Variants in AKAP8 observed in about 807,000 individuals in gnomAD.
AKAP8 encodes A-kinase anchoring protein 8.
AKAP8 carries 24 observed loss-of-function variants against 67.5 expected under a neutral mutation model. That is an observed-to-expected ratio of 0.36 (90% CI 0.26 to 0.50). AKAP8 has a LOEUF of 0.50. Among genes scored for constraint, AKAP8 ranks in the 20% least tolerant of loss-of-function variants. The pLI is 0.97. For missense variants in AKAP8, 971 were observed against 955.9 expected (o/e 1.02, Z -0.21); for synonymous variants, 400 against 371.1 (o/e 1.08, Z -0.90).
At chr19:15,361,349 C>CTTT (rs34004834) in intron 11 of AKAP8, 54 of 118,892 alleles carry the variant, frequency 4.5e-4, no homozygotes, top group Middle Eastern at 3.6e-3. Flanking sequence ...CTTCATGCCA[C>CTTT]TTTTTTTTTT....
chr19:15,370,821 G>A (rs566924783), intron 7 of AKAP8, among the ~76,000 whole-genome samples: 44 of 152,006 alleles, frequency 2.9e-4, no homozygotes, highest in African/African-American at 9.9e-4. Context: ...CAGTAGAGAC[G>A]GGGTTTCACC....
chr19:15,370,282 G>C, intron 7 of AKAP8, 103 bp from the exon 8 acceptor site: 2 of 1,346,670 alleles, frequency 1.5e-6, no homozygotes, highest in Non-Finnish European at 2.1e-6. Flanking sequence ...TCTCACCCAA[G>C]ACCTAGGTTG....
Position 15,373,792 on chromosome 19 carries a change from C to T in AKAP8, c.365G>A (p.Arg122Gln), listed in dbSNP as rs537526016. The change falls in exon 4 of 14, where the codon CGG (arginine) becomes CAG (glutamine). Residue 122 changes from arginine (R) to glutamine (Q), a missense_variant. Physicochemically the swap from Arg to Gln is conservative, Grantham distance 43 (BLOSUM62 1). This residue lies in a region of AKAP8 where 763 missense variants were observed against 745.4 expected (regional missense o/e 1.02). Coordinates refer to ENST00000269701, the MANE Select transcript of AKAP8 (RefSeq NM_005858.4). Reference sequence around the variant, plus strand: ...GGCTTGGGTCCATAATCACCTCTCCCGGTCCTGTATGCCCTCCCCACCGCC... The same window carrying T: ...GGCTTGGGTCCATAATCACCTCTCCTGGTCCTGTATGCCCTCCCCACCGCC... ...SGGGGEGIQD[R>Q]ESSFRFQPFE... is the part of the protein sequence containing the mutation. 3.1e-6 allele frequency: 5 copies of T among 1,608,046 alleles called. No homozygotes were observed. Among genetic ancestry groups the T allele is most frequent in the South Asian group, 1.1e-5 (1 of 90,854 alleles).
intron 9 of AKAP8, among the ~76,000 whole-genome samples, chr19:15,363,567 C>G (rs549750575): frequency 6.6e-6 from 1 of 150,642 alleles, no homozygotes; most frequent in East Asian, 2.0e-4. Flanking sequence ...CCAGCCGCCC[C>G]GTCCAGGAGG....
rs1422129064 is a variant in AKAP8, at chr19:15,369,860, C to T, written c.1072+286G>A. ...CCTCTTCTCTCATGTTTCTCCTTCC[C>T]TACAAACTTCGACTGTGGTGGACAC... On this transcript the variant is annotated intron_variant, in intron 8 of 13. Coordinates refer to ENST00000269701, the MANE Select transcript of AKAP8 (RefSeq NM_005858.4). This position sits in a 1 kb window ranked among gnomAD's most constrained non-coding sequence, Gnocchi z 4.6. Among the ~76,000 whole-genome samples, 1 of 152,226 alleles carries T rather than the reference C, an allele frequency of 6.6e-6. No individual in the cohort carries two copies. The highest frequency in any genetic ancestry group is 1.9e-4 in the East Asian group (1 of 5,198).
intron 11 of AKAP8, chr19:15,361,324 G>T: frequency 4.5e-6 from 1 of 223,262 alleles, no homozygotes. Context: ...CACCTTCTCA[G>T]CCAACTTGGG....
chr19:15,361,343 A>G (rs1966962294), intron 11 of AKAP8: 1 of 209,456 alleles, frequency 4.8e-6, no homozygotes, highest in South Asian at 7.0e-5. Flanking sequence ...GGCTGGCTTC[A>G]TGCCACTTTT....
At chr19:15,362,717 C>T (rs1192132535) in intron 9 of AKAP8, among the ~76,000 whole-genome samples, 1 of 151,994 alleles carries the variant, frequency 6.6e-6, no homozygotes, top group Admixed American at 6.6e-5. Context: ...ACAACCTCCA[C>T]CTCCCAGCCG....
rs1599566608 is a variant in AKAP8, at chr19:15,369,313, T to C, written c.1072+833A>G. On this transcript the variant is annotated intron_variant, in intron 8 of 13. Coordinates refer to ENST00000269701, the MANE Select transcript of AKAP8 (RefSeq NM_005858.4). The surrounding 1 kb of genome is among the most constrained non-coding windows in gnomAD (Gnocchi z 4.6). ...GTGCTATGGACAGGACTGCTGCGGGTCGCGGGGGGGAGGACCGCAGAGGGC... is the reference window on the plus strand; with the variant it reads ...GTGCTATGGACAGGACTGCTGCGGGCCGCGGGGGGGAGGACCGCAGAGGGC... The C allele has an allele frequency of 1.0e-6, 1 of 970,838 alleles. No homozygotes were observed. Among genetic ancestry groups the C allele is most frequent in the Non-Finnish European group, 1.2e-6 (1 of 816,832 alleles). The allele number at this position is 970,838 out of a possible 1,614,324, so 60.1% of individuals were successfully genotyped here. A position where few individuals can be genotyped will look rare whatever the true frequency, so the allele number is the denominator to read the frequency against.
intron 9 of AKAP8, among the ~76,000 whole-genome samples, chr19:15,367,491 G>T (rs766534594): frequency 1.2e-4 from 19 of 152,148 alleles, no homozygotes; most frequent in Non-Finnish European, 2.6e-4. Flanking sequence ...TTATGCTATT[G>T]CACTCCAGCC....
chr19:15,362,018 A>C, intron 10 of AKAP8, 92 bp downstream of exon 10: 1 of 1,542,130 alleles, frequency 6.5e-7, no homozygotes, highest in South Asian at 1.2e-5. Flanking sequence ...ACCTTGGCCA[A>C]GTATAGCCTC....
rs199727223 is a variant in AKAP8, at chr19:15,372,185, A to G, written c.991+33T>C. On this transcript the variant is annotated intron_variant, in intron 6 of 13. Coordinates refer to ENST00000269701, the MANE Select transcript of AKAP8 (RefSeq NM_005858.4). ...CCAGCAGGCAGCCGACCCATCCTAC[A>G]TCTGTCTGGCCCACCTGGCCCCCAG... 1.9e-5 allele frequency: 30 copies of G among 1,612,938 alleles called. No homozygotes were observed. In the East Asian group the frequency reaches 6.2e-4, roughly 34 times the overall value.
At chr19:15,372,162 A>G in intron 6 of AKAP8, 56 bp downstream of exon 6, 1 of 1,609,648 alleles carries the variant, frequency 6.2e-7, no homozygotes, top group Non-Finnish European at 8.5e-7. Context: ...CAGAGCCCCC[A>G]GCAGGCAGCC....
At chr19:15,368,439 C>G in intron 8 of AKAP8, 117 bp from the exon 9 acceptor site, 2 of 1,574,880 alleles carry the variant, frequency 1.3e-6, no homozygotes, top group Non-Finnish European at 1.7e-6. Context: ...CCACTGCCTG[C>G]ACCACGCGGC....
Position 15,353,915 on chromosome 19 carries a change from CAT to C in AKAP8, c.*998_*999del, listed in dbSNP as rs1056871516. 5.5e-5 allele frequency: 6 copies of C among 109,112 alleles called. No individual in the cohort carries two copies. Among genetic ancestry groups the C allele is most frequent in the Admixed American group, 1.1e-4 (1 of 8,852 alleles). 6.8% of individuals were successfully genotyped at this position (109,112 alleles called of 1,614,324 possible). ...TAATAGTTATTTCTCTAAAATGAAA[CAT>C]ATATTTCATTTTATATATATATATA... On this transcript the variant is annotated 3_prime_UTR_variant, in exon 14 of 14. Transcript: ENST00000269701.
chr19:15,355,562 T>A (rs1420469505), intron 13 of AKAP8, among the ~76,000 whole-genome samples, 192 bp from the exon 14 acceptor site: 1 of 24,114 alleles, frequency 4.1e-5, no homozygotes, highest in Non-Finnish European at 8.9e-5. Context: ...TATTCTGCAA[T>A]TTTTTTTTTT....
At position 15,369,323 on chromosome 19, in the gene AKAP8, G is replaced by A; in HGVS notation, c.1072+823C>T. The A allele has an allele frequency of 1.1e-6, 1 of 926,174 alleles. No homozygotes were observed. Among genetic ancestry groups the A allele is most frequent in the Non-Finnish European group, 1.3e-6 (1 of 775,894 alleles). The allele number at this position is 926,174 out of a possible 1,614,324, so 57.4% of individuals were successfully genotyped here. A position where few individuals can be genotyped will look rare whatever the true frequency, so the allele number is the denominator to read the frequency against. ...CAGGACTGCTGCGGGTCGCGGGGGG[G>A]AGGACCGCAGAGGGCTGGCAAAGCC... On this transcript the variant is annotated intron_variant, in intron 8 of 13. Transcript: ENST00000269701. This position sits in a 1 kb window ranked among gnomAD's most constrained non-coding sequence, Gnocchi z 4.6.
At position 15,359,019 on chromosome 19, in the gene AKAP8, T is replaced by C. The variant is rs758367334; in HGVS notation, c.1571A>G (p.Lys524Arg). 6.2e-7 allele frequency: 1 copy of C among 1,614,238 alleles called. No individual in the cohort carries two copies. The highest frequency in any genetic ancestry group is 1.7e-5 in the Admixed American group (1 of 60,022). The change falls in exon 13 of 14, where the codon AAG becomes AGG. Residue 524 changes from lysine (K) to arginine (R), a missense_variant. This residue lies in a region of AKAP8 where 763 missense variants were observed against 745.4 expected (regional missense o/e 1.02). Coordinates refer to ENST00000269701, the MANE Select transcript of AKAP8 (RefSeq NM_005858.4). ...TATATGTCTGTTGTTCAAAACACTC[T>C]TAGCCACATGGAGACTGGTTTTCTT... ...QFKKTSLHVA[K>R]SVLNNRHIVK... is the part of the protein sequence containing the mutation.
chr19:15,369,327 AC>A lies in AKAP8; in HGVS notation c.1072+818del. ...ACTGCTGCGGGTCGCGGGGGGGAGG[AC>A]CGCAGAGGGCTGGCAAAGCCTGAAC... On this transcript the variant is annotated intron_variant, in intron 8 of 13. Coordinates refer to ENST00000269701, the MANE Select transcript of AKAP8 (RefSeq NM_005858.4). This position sits in a 1 kb window ranked among gnomAD's most constrained non-coding sequence, Gnocchi z 4.6. 2.2e-6 allele frequency: 2 copies of A among 925,990 alleles called. No individual in the cohort carries two copies. The highest frequency in any genetic ancestry group is 2.6e-6 in the Non-Finnish European group (2 of 775,782). The allele number at this position is 925,990 out of a possible 1,614,324, so 57.4% of individuals were successfully genotyped here.
Sources: allele counts gnomAD v4.1 joint callset (sites outside exome capture counted in the v4.1 genomes callset), GRCh38; gene constraint gnomAD v4.1.1; regional missense constraint gnomAD v4.1.1; non-coding constraint Gnocchi (gnomAD v3.1); transcripts MANE v1.5; gene names NCBI Gene and HGNC (gene_info 2026-07-23, HGNC 2026-07-21).